PIK3C2G: variants seen among roughly 807,000 people sequenced by gnomAD.
PIK3C2G encodes the protein phosphatidylinositol-4-phosphate 3-kinase catalytic subunit type 2 gamma, also known as phosphatidylinositol 3-kinase C2 domain-containing subunit gamma.
PIK3C2G carries 168 observed loss-of-function variants against 181.1 expected under a neutral mutation model. The ratio of observed to expected loss-of-function variants is 0.93; its 90% CI spans 0.82 to 1.05. The LOEUF is 1.05. PIK3C2G is among the 50% of genes least tolerant of loss of function. The pLI is 0.00. For synonymous variants in PIK3C2G, 573 were observed against 592.2 expected (o/e 0.97, Z 0.47); for missense variants, 1,869 against 1,732.8 (o/e 1.08, Z -1.40).
At chr12:18,283,471 G>A (rs1395844070) in intron 2 of PIK3C2G, among the ~76,000 whole-genome samples, 1 of 152,130 alleles carries the variant, frequency 6.6e-6, no homozygotes, top group Non-Finnish European at 1.5e-5. Flanking sequence ...CCTGGGTGAG[G>A]CAGAAGGGTT....
intron 24 of PIK3C2G, among the ~76,000 whole-genome samples, chr12:18,521,992 G>T (rs1942953147): frequency 6.6e-6 from 1 of 152,172 alleles, no homozygotes; most frequent in South Asian, 2.1e-4. Flanking sequence ...GGGGGGTGGG[G>T]GCTGCCCTGC....
chr12:18,469,724 A>G lies in PIK3C2G; in HGVS notation c.2505-18725A>G, dbSNP rs1185527316. Among the ~76,000 whole-genome samples, 7 of 146,760 alleles carry G rather than the reference A, an allele frequency of 4.8e-5. No homozygotes were observed. The East Asian group carries it at 9.9e-4, about 21-fold the overall frequency. On this transcript the variant is annotated intron_variant, in intron 18 of 32. Coordinates refer to ENST00000538779, the MANE Select transcript of PIK3C2G (RefSeq NM_001288772.2). Reference sequence around the variant, plus strand: ...ATATTATCTTTTGATATTACATTTTATTTTTCTCCACAAAAGATGAATGTA... The same window carrying G: ...ATATTATCTTTTGATATTACATTTTGTTTTTCTCCACAAAAGATGAATGTA...
At chr12:18,633,562 A>C (rs1949452982) in intron 31 of PIK3C2G, among the ~76,000 whole-genome samples, 2 of 152,116 alleles carry the variant, frequency 1.3e-5, no homozygotes, top group South Asian at 4.1e-4. Context: ...TGGTCGTTGT[A>C]GTATTCTGTT....
chr12:18,693,958 C>T, the PIK3C2G span: 2 of 1,515,320 alleles, frequency 1.3e-6, no homozygotes, highest in South Asian at 1.1e-5. Flanking sequence ...CTGGTGCTGA[C>T]ATCAAGGCAG....
chr12:18,568,984 C>A (rs944681342), intron 29 of PIK3C2G, among the ~76,000 whole-genome samples: 1 of 152,060 alleles, frequency 6.6e-6, no homozygotes, highest in South Asian at 2.1e-4. Flanking sequence ...CATGTAACCA[C>A]GCAGTAGTTT....
rs182299989 is a variant in PIK3C2G at position 18,399,980 on chromosome 12, G to A, written c.2315+133G>A. The stretch of plus-strand genomic sequence containing the variant: ...TTGATAGTTATGGATATTAATTTTA[G>A]ATAAATGTAAGCTATGAATATAAAT... On this transcript the variant is annotated intron_variant, in intron 16 of 32. Coordinates refer to ENST00000538779, the MANE Select transcript of PIK3C2G (RefSeq NM_001288772.2). 902 of 477,822 alleles carry A rather than the reference G, an allele frequency of 1.9e-3. 7 individuals carry two copies. The highest frequency in any genetic ancestry group is 4.6e-4 in the East Asian group (14 of 30,306). 29.6% of individuals were successfully genotyped at this position (477,822 alleles called of 1,614,324 possible). A position where few individuals can be genotyped will look rare whatever the true frequency, so the allele number is the denominator to read the frequency against.
rs927758916 is a variant in PIK3C2G, at chr12:18,362,949, T to G, written c.1748+63T>G. On this transcript the variant is annotated intron_variant, in intron 12 of 32. Coordinates refer to ENST00000538779, the MANE Select transcript of PIK3C2G (RefSeq NM_001288772.2). ...AATAAATGTCAGCTTTTTCCCCCTT[T>G]TTTTAAAAGCAAGGGATGTAATTTA... 7.7e-6 allele frequency: 10 copies of G among 1,302,522 alleles called. No individual in the cohort carries two copies. In the African/African-American group the frequency reaches 1.2e-4, roughly 16 times the overall value. The allele number at this position is 1,302,522 out of a possible 1,614,324, so 80.7% of individuals were successfully genotyped here.
At chr12:18,687,463 C>T in the PIK3C2G span, among the ~76,000 whole-genome samples, 3 of 152,102 alleles carry the variant, frequency 2.0e-5, no homozygotes, top group Non-Finnish European at 4.4e-5. Context: ...CTATCCTTTT[C>T]TAATTTCCTT....
chr12:18,516,627 T>G (rs1942565625), intron 24 of PIK3C2G, among the ~76,000 whole-genome samples: 1 of 152,078 alleles, frequency 6.6e-6, no homozygotes, highest in Non-Finnish European at 1.5e-5. Flanking sequence ...TGCTTGATGG[T>G]GGCCCATAAT....
intron 8 of PIK3C2G, among the ~76,000 whole-genome samples, chr12:18,325,925 T>C (rs1371433141): frequency 6.6e-6 from 1 of 152,006 alleles, no homozygotes; most frequent in Non-Finnish European, 1.5e-5. Flanking sequence ...GCTGATGACA[T>C]GGAGCCATTA....
chr12:18,478,466 C>A (rs1237814006), intron 18 of PIK3C2G, among the ~76,000 whole-genome samples: 1 of 152,084 alleles, frequency 6.6e-6, no homozygotes, highest in Admixed American at 6.6e-5. Context: ...CCCATCTACT[C>A]CCCCAATGCC....
At chr12:18,645,830 T>A (rs571897819) in intron 32 of PIK3C2G, among the ~76,000 whole-genome samples, 1 of 152,194 alleles carries the variant, frequency 6.6e-6, no homozygotes, top group Non-Finnish European at 1.5e-5. Context: ...AACTTACAAT[T>A]TATGACTTAT....
intron 29 of PIK3C2G, among the ~76,000 whole-genome samples, chr12:18,577,230 G>GT (rs1946275799): frequency 6.6e-6 from 1 of 152,126 alleles, no homozygotes; most frequent in Non-Finnish European, 1.5e-5. Context: ...GGCAGAGAAG[G>GT]TTTTTTGTAA....
chr12:18,306,370 T>G (rs1407254876), intron 5 of PIK3C2G, among the ~76,000 whole-genome samples: 2 of 152,072 alleles, frequency 1.3e-5, no homozygotes, highest in Admixed American at 6.5e-5. Flanking sequence ...AGTTTTAGGA[T>G]TGAACCTATT....
intron 18 of PIK3C2G, among the ~76,000 whole-genome samples, chr12:18,480,305 GATAA>G (rs921325353): frequency 4.6e-5 from 7 of 152,120 alleles, no homozygotes; most frequent in South Asian, 4.1e-4. Context: ...TTAGAAAAAT[GATAA>G]ATAAAATAAC....
At chr12:18,359,805 T>C (rs1448877020) in intron 11 of PIK3C2G, among the ~76,000 whole-genome samples, 1 of 152,192 alleles carries the variant, frequency 6.6e-6, no homozygotes, top group Non-Finnish European at 1.5e-5. Flanking sequence ...ATAGAATAGC[T>C]ATTTTATCCT....
chr12:18,674,997 C>A, the PIK3C2G span, among the ~76,000 whole-genome samples: 3 of 152,136 alleles, frequency 2.0e-5, no homozygotes, highest in Non-Finnish European at 4.4e-5. Context: ...CCCCAGCCAA[C>A]TCTCTAGATC....
At chr12:18,379,793 G>A (rs937464744) in intron 13 of PIK3C2G, among the ~76,000 whole-genome samples, 3 of 152,242 alleles carry the variant, frequency 2.0e-5, no homozygotes, top group African/African-American at 7.2e-5. Flanking sequence ...CCCTCTTGAG[G>A]TTTGCCAACG....
At chr12:18,373,290 T>C (rs1942203491) in intron 13 of PIK3C2G, among the ~76,000 whole-genome samples, 1 of 152,208 alleles carries the variant, frequency 6.6e-6, no homozygotes, top group Non-Finnish European at 1.5e-5. Flanking sequence ...GTATTGAATC[T>C]GTCTTTTATT....
Sources: allele counts gnomAD v4.1 joint callset (sites outside exome capture counted in the v4.1 genomes callset), GRCh38; gene constraint gnomAD v4.1.1; transcripts MANE v1.5; gene names NCBI Gene and HGNC (gene_info 2026-07-23, HGNC 2026-07-21).